The following VWA8 variants were observed in gnomAD, a reference collection of about 807,000 sequenced individuals.
The protein encoded by VWA8 is von Willebrand factor A domain containing 8.
Under a neutral mutation model 241.5 loss-of-function variants are expected in VWA8, and 221 were observed. The ratio of observed to expected loss-of-function variants is 0.91; its 90% confidence interval spans 0.82 to 1.02. The LOEUF is 1.02. VWA8 is among the 50% of genes least tolerant of loss of function. The pLI is 0.00. For synonymous variants in VWA8, 852 were observed against 827.1 expected (o/e 1.03, Z -0.52); for missense variants, 2,322 against 2,328.7 (o/e 1.00, Z 0.06).
At chr13:41,751,601 G>A (rs1052056814) in intron 21 of VWA8, among the ~76,000 whole-genome samples, 16 of 152,132 alleles carry the variant, frequency 1.1e-4, no homozygotes, top group African/African-American at 3.4e-4. Flanking sequence ...TCAGCTTGAG[G>A]AGAGCCTCAT....
intron 37 of VWA8, among the ~76,000 whole-genome samples, chr13:41,630,884 A>G (rs893538167): frequency 5.3e-5 from 8 of 152,208 alleles, no homozygotes; most frequent in African/African-American, 1.7e-4. Flanking sequence ...GCTCAGTAAC[A>G]GGAAACTAAG....
At chr13:41,646,855 C>A (rs1286713044) in intron 37 of VWA8, among the ~76,000 whole-genome samples, 1 of 152,144 alleles carries the variant, frequency 6.6e-6, no homozygotes, top group Non-Finnish European at 1.5e-5. Context: ...ACCAGACAAT[C>A]CTGAACATGA....
intron 21 of VWA8, among the ~76,000 whole-genome samples, chr13:41,743,896 A>C (rs1451247970): frequency 6.6e-6 from 1 of 152,116 alleles, no homozygotes; most frequent in Non-Finnish European, 1.5e-5. Flanking sequence ...CTCCTTTACC[A>C]CCAAATGCAA....
chr13:41,927,912 T>G (rs1236433160), intron 2 of VWA8, among the ~76,000 whole-genome samples: 1 of 152,176 alleles, frequency 6.6e-6, no homozygotes, highest in Non-Finnish European at 1.5e-5. Context: ...GAAGATAAGA[T>G]ATTCTATGGA....
intron 12 of VWA8, chr13:41,865,359 A>G (rs1374970361): frequency 1.9e-5 from 7 of 371,168 alleles, no homozygotes; most frequent in East Asian, 9.0e-5. Flanking sequence ...AAAATATACA[A>G]TAGATTATTG....
intron 9 of VWA8, among the ~76,000 whole-genome samples, chr13:41,877,099 C>G (rs1873934213): frequency 6.6e-6 from 1 of 152,074 alleles, no homozygotes; most frequent in Non-Finnish European, 1.5e-5. Flanking sequence ...AGAAAAACCT[C>G]AAATTCAAAA....
chr13:41,912,328 T>C (rs1876051007), intron 2 of VWA8, among the ~76,000 whole-genome samples, 160 bp from the exon 3 acceptor site: 2 of 151,942 alleles, frequency 1.3e-5, no homozygotes, highest in East Asian at 1.9e-4. Context: ...TATAAACATA[T>C]GCATATGTTT....
intron 27 of VWA8, 80 bp from the exon 28 acceptor site, chr13:41,701,610 A>G: frequency 4.6e-6 from 6 of 1,317,356 alleles, no homozygotes; most frequent in Non-Finnish European, 6.0e-6. Flanking sequence ...TCCAAAATAT[A>G]AACTTTAACA....
At chr13:41,723,213 TGGG>T (rs1329744692) in intron 24 of VWA8, among the ~76,000 whole-genome samples, 1 of 152,230 alleles carries the variant, frequency 6.6e-6, no homozygotes, top group Non-Finnish European at 1.5e-5. Context: ...ACCTAAGCTC[TGGG>T]TTCCTCTTCT....
chr13:41,610,267 C>T (rs1405465195), intron 39 of VWA8, among the ~76,000 whole-genome samples: 4 of 152,208 alleles, frequency 2.6e-5, no homozygotes, highest in Non-Finnish European at 4.4e-5. Context: ...AGACTGTTCA[C>T]TACACTATTC....
At chr13:41,844,208 C>T (rs1872185250) in intron 12 of VWA8, among the ~76,000 whole-genome samples, 1 of 152,052 alleles carries the variant, frequency 6.6e-6, no homozygotes, top group Non-Finnish European at 1.5e-5. Flanking sequence ...ATATGATCAC[C>T]ACATAAACAG....
chr13:41,740,770 T>G (rs2045563914), intron 21 of VWA8, among the ~76,000 whole-genome samples: 1 of 152,190 alleles, frequency 6.6e-6, no homozygotes, highest in South Asian at 2.1e-4. Context: ...AATCTACCAC[T>G]TCAGGATGAA....
intron 2 of VWA8, among the ~76,000 whole-genome samples, chr13:41,916,981 C>A (rs1049076085): frequency 6.6e-6 from 1 of 152,166 alleles, no homozygotes; most frequent in Non-Finnish European, 1.5e-5. Context: ...AGAGCTTGAT[C>A]CTATATTCTA....
At chr13:41,625,717 C>T (rs1412718129) in intron 37 of VWA8, among the ~76,000 whole-genome samples, 1 of 151,970 alleles carries the variant, frequency 6.6e-6, no homozygotes, top group African/African-American at 2.4e-5. Flanking sequence ...TTTGACCCAG[C>T]CATCCCATTA....
Position 41,568,283 on chromosome 13 carries a change from CA to C in VWA8, c.5631del (p.Gly1878ValfsTer36). ...QATRLQRTLP[A>X]GRSFVAMDTK... ...GTATCCATGGCAACGAAAGACCGAC[CA>C]GCTGGTAAAGTTCTCTGAAGCCTGC... On this transcript the variant is annotated frameshift_variant, in exon 45 of 45. Coordinates refer to ENST00000379310, the MANE Select transcript of VWA8 (RefSeq NM_015058.2). LOFTEE classifies it high-confidence loss of function. 1.2e-6 allele frequency: 2 copies of C among 1,614,110 alleles called. No individual in the cohort carries two copies. Among genetic ancestry groups the C allele is most frequent in the Admixed American group, 1.7e-5 (1 of 60,022 alleles).
At chr13:41,764,217 T>C (rs2045763141) in intron 20 of VWA8, among the ~76,000 whole-genome samples, 1 of 152,212 alleles carries the variant, frequency 6.6e-6, no homozygotes, top group Non-Finnish European at 1.5e-5. Flanking sequence ...TTTTCCCTTC[T>C]GCAAAACGTC....
At chr13:41,687,421 T>C (rs113557038) in intron 34 of VWA8, among the ~76,000 whole-genome samples, 27 of 152,314 alleles carry the variant, frequency 1.8e-4, no homozygotes, top group African/African-American at 5.0e-4. Context: ...TAGATGCCAC[T>C]GATAACTCTA....
chr13:41,726,020 AGCATATGCATGTACAC>A (rs1566430137), intron 24 of VWA8, among the ~76,000 whole-genome samples: 1 of 152,224 alleles, frequency 6.6e-6, no homozygotes, highest in South Asian at 2.1e-4. Flanking sequence ...TGCATATACA[AGCATATGCATGTACAC>A]ATCCCTCCTG....
chr13:41,891,624 T>A (rs772757154), intron 4 of VWA8, 37 bp from the exon 5 acceptor site: 1 of 1,609,784 alleles, frequency 6.2e-7, no homozygotes, highest in Non-Finnish European at 8.5e-7. Flanking sequence ...ATGAGAATAC[T>A]GAAGTTGCAG....
Sources: gnomAD v4.1 joint callset for allele counts (sites outside exome capture counted in the v4.1 genomes callset) on GRCh38, gnomAD v4.1.1 for gene constraint, MANE v1.5 for transcripts, NCBI Gene and HGNC (gene_info 2026-07-23, HGNC 2026-07-21) for gene names.